CLNK: variants seen among roughly 807,000 people sequenced by gnomAD.
CLNK encodes the protein cytokine-dependent hematopoietic cell linker.
In CLNK, 74 loss-of-function variants were observed where a neutral mutation model predicts 68.6. That is an observed-to-expected ratio of 1.08 (90% CI 0.89 to 1.31). The LOEUF is 1.31. Ranked by LOEUF, CLNK falls within the 50% of genes most tolerant of loss-of-function variation. The pLI, the probability that CLNK is intolerant of heterozygous loss-of-function variation, is 0.00. For synonymous variants in CLNK, 198 were observed against 172.2 expected, an observed-to-expected ratio of 1.15 and a Z score of -1.17; for missense variants, 553 against 515.3, an observed-to-expected ratio of 1.07 and a Z score of -0.71.
intron 2 of CLNK, among the ~76,000 whole-genome samples, chr4:10,624,453 C>T (rs932731580): frequency 1.1e-4 from 17 of 152,252 alleles, no homozygotes; most frequent in East Asian, 7.7e-4. Flanking sequence ...CCACCACGCC[C>T]GGCTAATTTT....
At chr4:10,672,707 G>A (rs1724698277) in intron 1 of CLNK, among the ~76,000 whole-genome samples, 1 of 152,156 alleles carries the variant, frequency 6.6e-6, no homozygotes, top group Non-Finnish European at 1.5e-5. Context: ...TGATTCAATT[G>A]TTTTAGGGAA....
the CLNK span, among the ~76,000 whole-genome samples, chr4:10,730,833 A>T: frequency 1.3e-5 from 2 of 152,102 alleles, no homozygotes; most frequent in Non-Finnish European, 2.9e-5. Flanking sequence ...TGCATACTGT[A>T]TCTATTCCCC....
intron 2 of CLNK, among the ~76,000 whole-genome samples, chr4:10,660,456 T>C (rs1161577526): frequency 1.3e-5 from 2 of 152,258 alleles, no homozygotes; most frequent in Non-Finnish European, 2.9e-5. Context: ...CAATGATTCA[T>C]TTAGTGGTAG....
At chr4:10,714,681 G>T in the CLNK span, among the ~76,000 whole-genome samples, 1 of 107,252 alleles carries the variant, frequency 9.3e-6, no homozygotes, top group Admixed American at 1.1e-4. Context: ...TACATTCATT[G>T]TGGTGTGTGT....
chr4:10,529,826 C>A (rs1382811453), intron 12 of CLNK, among the ~76,000 whole-genome samples: 2 of 152,132 alleles, frequency 1.3e-5, no homozygotes, highest in Non-Finnish European at 2.9e-5. Context: ...TTGAGACCAA[C>A]CAACTTTTGG....
At chr4:10,608,657 T>C (rs1382009873) in intron 2 of CLNK, among the ~76,000 whole-genome samples, 1 of 152,230 alleles carries the variant, frequency 6.6e-6, no homozygotes, top group Non-Finnish European at 1.5e-5. Flanking sequence ...CTGAACTGTG[T>C]TGAAATCGGG....
chr4:10,660,718 A>AAG (rs962218792), intron 2 of CLNK, among the ~76,000 whole-genome samples: 1 of 152,122 alleles, frequency 6.6e-6, no homozygotes, highest in African/African-American at 2.4e-5. Context: ...TCTTGCCAGT[A>AAG]AGAGAGAGAG....
rs1718905727 is a variant in CLNK at position 10,538,878 on chromosome 4, G to T, written c.602+1616C>A. On this transcript the variant is annotated intron_variant, in intron 11 of 18. Transcript: ENST00000226951. ...GGTAATAAAAGTGCAATAAGTGTTGGTTAAAAATAGGTTGGTTAAAAATAG... is the reference window on the plus strand; with the variant it reads ...GGTAATAAAAGTGCAATAAGTGTTGTTTAAAAATAGGTTGGTTAAAAATAG... 1.3e-5 allele frequency among the ~76,000 whole-genome samples: 2 copies of T among 152,190 alleles called. 1 individual carries two copies. Among genetic ancestry groups the T allele is most frequent in the South Asian group, 4.1e-4 (2 of 4,830 alleles).
At chr4:10,651,214 T>C (rs1164208326) in intron 2 of CLNK, among the ~76,000 whole-genome samples, 1 of 152,126 alleles carries the variant, frequency 6.6e-6, no homozygotes, top group East Asian at 1.9e-4. Flanking sequence ...ACCCAAAGGA[T>C]TACAAATCAT....
the CLNK span, among the ~76,000 whole-genome samples, chr4:10,703,749 T>C: frequency 6.6e-6 from 1 of 152,206 alleles, no homozygotes; most frequent in Non-Finnish European, 1.5e-5. Flanking sequence ...GCAACAAATA[T>C]GTATAGCATG....
intron 2 of CLNK, among the ~76,000 whole-genome samples, chr4:10,612,313 G>C (rs968086516): frequency 6.6e-6 from 1 of 152,252 alleles, no homozygotes; most frequent in Admixed American, 6.5e-5. Flanking sequence ...TCATGGTCCT[G>C]AGAAAGACAC....
chr4:10,556,981 C>T (rs531921092), intron 8 of CLNK, among the ~76,000 whole-genome samples: 1 of 152,066 alleles, frequency 6.6e-6, no homozygotes, highest in South Asian at 2.1e-4. Context: ...GAAGCTGAGG[C>T]AGGAGAATTG....
intron 11 of CLNK, among the ~76,000 whole-genome samples, chr4:10,535,462 G>A (rs1292470119): frequency 6.6e-6 from 1 of 152,140 alleles, no homozygotes; most frequent in Non-Finnish European, 1.5e-5. Context: ...TTACAGTGCT[G>A]TTGTGTGACT....
the CLNK span, among the ~76,000 whole-genome samples, chr4:10,723,054 AC>A: frequency 1.4e-4 from 21 of 151,994 alleles, no homozygotes; most frequent in Admixed American, 3.3e-4. Flanking sequence ...AAAAAAAAAA[AC>A]AACCCCTCTA....
chr4:10,508,204 A>T (rs1386624373), intron 16 of CLNK, among the ~76,000 whole-genome samples, 168 bp from the exon 17 acceptor site: 1 of 152,216 alleles, frequency 6.6e-6, no homozygotes, highest in Non-Finnish European at 1.5e-5. Context: ...AAGCCCACAG[A>T]TGCTTGGGGC....
intron 2 of CLNK, among the ~76,000 whole-genome samples, chr4:10,599,070 C>A (rs1721490312): frequency 6.6e-6 from 1 of 152,254 alleles, no homozygotes; most frequent in South Asian, 2.1e-4. Flanking sequence ...CAGACTCGCT[C>A]CTTCACAGCA....
At chr4:10,580,286 G>A (rs1436836368) in intron 4 of CLNK, among the ~76,000 whole-genome samples, 2 of 152,168 alleles carry the variant, frequency 1.3e-5, no homozygotes, top group Non-Finnish European at 2.9e-5. Context: ...TGAAAGTCTA[G>A]CACATACAAT....
chr4:10,604,507 T>A (rs1036469382), intron 2 of CLNK, among the ~76,000 whole-genome samples: 2 of 152,008 alleles, frequency 1.3e-5, no homozygotes, highest in Non-Finnish European at 2.9e-5. Flanking sequence ...ATGGCCTAGA[T>A]GCCAGTCAAC....
At chr4:10,725,642 A>C in the CLNK span, among the ~76,000 whole-genome samples, 1 of 152,174 alleles carries the variant, frequency 6.6e-6, no homozygotes, top group Non-Finnish European at 1.5e-5. Context: ...TCACAAGGTC[A>C]GGAGATCGAG....
Sources: allele counts gnomAD v4.1 joint callset (sites outside exome capture counted in the v4.1 genomes callset), GRCh38; gene constraint gnomAD v4.1.1; transcripts MANE v1.5; gene names NCBI Gene and HGNC (gene_info 2026-07-23, HGNC 2026-07-21).